The following CCSER1 variants were observed in gnomAD, a reference collection of about 807,000 sequenced individuals.
The protein encoded by CCSER1 is serine-rich coiled-coil domain-containing protein 1.
In CCSER1, 41 loss-of-function variants were observed where a neutral mutation model predicts 82.0. That is an observed-to-expected ratio of 0.50 (90% CI 0.39 to 0.65). The LOEUF is 0.65. Among genes scored for constraint, CCSER1 ranks in the 30% least tolerant of loss-of-function variants. CCSER1 has a pLI of 0.00. For missense variants in CCSER1, 1,119 were observed against 1,064.2 expected (o/e 1.05, Z -0.72); for synonymous variants, 414 against 383.9 (o/e 1.08, Z -0.92).
At chr4:91,375,457 A>G (rs1750343220) in intron 10 of CCSER1, among the ~76,000 whole-genome samples, 1 of 152,168 alleles carries the variant, frequency 6.6e-6, no homozygotes, top group Non-Finnish European at 1.5e-5. Flanking sequence ...ACAGCATTAC[A>G]CACTACAGAG....
At chr4:90,657,578 C>T (rs1041436323) in intron 6 of CCSER1, among the ~76,000 whole-genome samples, 8 of 151,982 alleles carry the variant, frequency 5.3e-5, no homozygotes, top group Non-Finnish European at 8.8e-5. Flanking sequence ...TTTTTTGTTT[C>T]CATGTTTCAA....
intron 7 of CCSER1, among the ~76,000 whole-genome samples, chr4:90,798,900 A>G (rs368642643): frequency 2.6e-5 from 4 of 152,238 alleles, no homozygotes; most frequent in African/African-American, 9.6e-5. Flanking sequence ...GTGCTTTCAG[A>G]CCACAGGTCA....
rs553836470 is a variant in CCSER1 at position 91,075,575 on chromosome 4, G to A, written c.2173-10375G>A. Among the ~76,000 whole-genome samples, 14 of 152,150 alleles carry A rather than the reference G, an allele frequency of 9.2e-5. No individual in the cohort carries two copies. The South Asian group carries it at 1.0e-3, about 11-fold the overall frequency. ...ATATATATGAATAATTTGACTGTTC[G>A]TGTGTACATCAAGTCTTTTGAAGAG... is the stretch of plus-strand genomic sequence containing the variant. On this transcript the variant is annotated intron_variant, in intron 9 of 10. Transcript: ENST00000509176.
At chr4:90,288,544 C>T (rs1000406166) in intron 1 of CCSER1, among the ~76,000 whole-genome samples, 33 of 151,958 alleles carry the variant, frequency 2.2e-4, no homozygotes, top group African/African-American at 7.5e-4. Context: ...TAATTCCCTT[C>T]TGAATCCTCT....
intron 10 of CCSER1, among the ~76,000 whole-genome samples, chr4:91,095,595 ACTAAGG>A (rs1289816249): frequency 6.6e-6 from 1 of 152,168 alleles, no homozygotes; most frequent in East Asian, 1.9e-4. Context: ...GCTTTGGCTA[ACTAAGG>A]CCATGTTAAT....
intron 10 of CCSER1, among the ~76,000 whole-genome samples, chr4:91,556,305 A>T (rs535596464): frequency 1.2e-4 from 18 of 151,068 alleles, no homozygotes; most frequent in South Asian, 2.1e-4. Context: ...CTGTTAAAAA[A>T]TTTGGTCTAT....
chr4:90,435,424 A>G (rs915557726), intron 4 of CCSER1, among the ~76,000 whole-genome samples: 2 of 152,174 alleles, frequency 1.3e-5, no homozygotes, highest in Non-Finnish European at 2.9e-5. Flanking sequence ...CTTAAAATAT[A>G]GATCCTATGA....
intron 5 of CCSER1, among the ~76,000 whole-genome samples, chr4:90,519,588 AT>A (rs536294439): frequency 2.6e-5 from 4 of 151,916 alleles, no homozygotes; most frequent in African/African-American, 7.2e-5. Flanking sequence ...GCTTATTACA[AT>A]TTTTTTATTT....
intron 7 of CCSER1, among the ~76,000 whole-genome samples, chr4:90,796,864 C>T (rs566540477): frequency 6.6e-6 from 1 of 152,198 alleles, no homozygotes; most frequent in Non-Finnish European, 1.5e-5. Context: ...TTTATGATTT[C>T]AGTTCTTTTG....
intron 4 of CCSER1, among the ~76,000 whole-genome samples, chr4:90,439,484 A>C (rs116793371): frequency 2.4e-3 from 359 of 152,334 alleles, no homozygotes; most frequent in African/African-American, 7.9e-3. Context: ...CTATACTTCT[A>C]ATATATCCCT....
chr4:90,229,361 A>G (rs1435991443), intron 1 of CCSER1, among the ~76,000 whole-genome samples: 5 of 152,206 alleles, frequency 3.3e-5, no homozygotes, highest in Admixed American at 6.5e-5. Flanking sequence ...TTTCATATCC[A>G]GCCAAACTAA....
intron 10 of CCSER1, among the ~76,000 whole-genome samples, chr4:91,592,290 C>T (rs1272938612): frequency 2.0e-5 from 3 of 152,116 alleles, no homozygotes; most frequent in African/African-American, 4.8e-5. Flanking sequence ...CGTGAGAACT[C>T]ATTCACTGCC....
intron 3 of CCSER1, among the ~76,000 whole-genome samples, chr4:90,323,790 G>A (rs1216413680): frequency 1.3e-5 from 2 of 151,966 alleles, no homozygotes; most frequent in African/African-American, 2.4e-5. Context: ...TTTAGCATTA[G>A]GTATATCTCC....
intron 8 of CCSER1, among the ~76,000 whole-genome samples, chr4:90,872,992 A>G (rs528732920): frequency 6.6e-6 from 1 of 151,942 alleles, no homozygotes; most frequent in African/African-American, 2.4e-5. Context: ...TGCTGCTTTT[A>G]GGACCTCTTT....
At chr4:90,852,412 CA>C (rs1456116046) in intron 8 of CCSER1, among the ~76,000 whole-genome samples, 1 of 152,186 alleles carries the variant, frequency 6.6e-6, no homozygotes, top group East Asian at 1.9e-4. Context: ...ACTACTTAAG[CA>C]GATTCCTAGG....
rs765197842 is a variant in CCSER1, at chr4:90,932,982, GAGAAAGAAAGAAAGAA to G, written c.2172+9583_2172+9598del. Among the ~76,000 whole-genome samples the G allele has an allele frequency of 7.4e-3, 139 of 18,860 alleles. 11 individuals are homozygous for G. The highest frequency in any genetic ancestry group is 9.4e-3 in the South Asian group (6 of 640). The allele number at this position is 18,860 out of a possible 152,430, so 12.4% of individuals were successfully genotyped here. A position where few individuals can be genotyped will look rare whatever the true frequency, so the allele number is the denominator to read the frequency against. ...AGAAAGAAAGAAAGAAAGAAAGAAA[GAGAAAGAAAGAAAGAA>G]AGAAAGAAAGAAAGAAAGAAAGAAA... On this transcript the variant is annotated intron_variant, in intron 9 of 10. Coordinates refer to ENST00000509176, the MANE Select transcript of CCSER1 (RefSeq NM_001145065.2).
At chr4:90,720,177 C>A (rs1031795581) in intron 6 of CCSER1, among the ~76,000 whole-genome samples, 2 of 151,696 alleles carry the variant, frequency 1.3e-5, no homozygotes, top group Non-Finnish European at 2.9e-5. Context: ...TACTTCCTTG[C>A]TTTATGGTAC....
At chr4:91,104,097 G>A (rs569454432) in intron 10 of CCSER1, among the ~76,000 whole-genome samples, 1 of 152,192 alleles carries the variant, frequency 6.6e-6, no homozygotes, top group African/African-American at 2.4e-5. Flanking sequence ...ACTAGGGTTG[G>A]GAAACTCTGC....
chr4:90,483,628 A>G (rs1385611959), intron 5 of CCSER1, among the ~76,000 whole-genome samples: 2 of 152,266 alleles, frequency 1.3e-5, no homozygotes, highest in South Asian at 4.2e-4. Context: ...TCCTTCACTT[A>G]TGAAGCTTAG....
Sources: gnomAD v4.1 joint callset for allele counts (sites outside exome capture counted in the v4.1 genomes callset) on GRCh38, gnomAD v4.1.1 for gene constraint, MANE v1.5 for transcripts, NCBI Gene and HGNC (gene_info 2026-07-23, HGNC 2026-07-21) for gene names.